Variants in NPB observed in about 807,000 individuals in gnomAD.
NPB encodes the protein neuropeptide B.
In NPB, 8 loss-of-function variants were observed where a neutral mutation model predicts 6.7. That is an observed-to-expected ratio of 1.20 (90% CI 0.71 to 2.17). The LOEUF is 2.17. Among genes scored for constraint, NPB ranks in the 30% most tolerant of loss-of-function variants. The pLI is 0.00. For synonymous variants in NPB, 118 were observed against 103.4 expected, an observed-to-expected ratio of 1.14 and a Z score of -0.86; for missense variants, 199 against 190.2, an observed-to-expected ratio of 1.05 and a Z score of -0.27.
In NPB at chr17:81,902,536, G is replaced by C; in HGVS notation, c.249+10G>C. On this transcript the variant is annotated intron_variant, in intron 1 of 1. Transcript: ENST00000333383. The stretch of plus-strand genomic sequence containing the variant: ...CAGGCTGCGGAGCCTCGTGAGTCCG[G>C]CGTGCCGGGGACTGATGGGGGGCGG... 4 of 1,464,290 alleles carry C rather than the reference G, an allele frequency of 2.7e-6. No individual in the cohort carries two copies. The highest frequency in any genetic ancestry group is 3.6e-6 in the Non-Finnish European group (4 of 1,115,088). The allele number at this position is 1,464,290 out of a possible 1,614,324, so 90.7% of individuals were successfully genotyped here.
At chr17:81,902,569 A>G in intron 1 of NPB, 43 bp downstream of exon 1, 3 of 1,505,790 alleles carry the variant, frequency 2.0e-6, no homozygotes, top group Non-Finnish European at 2.6e-6. Flanking sequence ...CGGCGGCAGG[A>G]CGTGGGTGGG....
In NPB at chr17:81,902,436, G is replaced by A. The variant is rs1020513514; in HGVS notation, c.159G>A (p.Ala53=). The A allele has an allele frequency of 1.5e-6, 2 of 1,352,550 alleles. No homozygotes were observed. Among genetic ancestry groups the A allele is most frequent in the Admixed American group, 8.2e-5 (2 of 24,496 alleles). 83.8% of individuals were successfully genotyped at this position (1,352,550 alleles called of 1,614,324 possible). ...LLSGLRRSPY[A]RRSQPYRGAE... ...CCGGCCTCCGCAGGTCCCCGTACGC[G>A]CGGCGCTCCCAGCCCTACAGAGGGG... The change falls in exon 1 of 2, where the codon GCG becomes GCA. Residue 53 remains alanine, a synonymous_variant. Transcript: ENST00000333383.
chr17:81,902,811 A>C lies in NPB; in HGVS notation c.*63A>C. The stretch of plus-strand genomic sequence containing the variant: ...CCCCACCGTCCCACTCGGTGACCCC[A>C]GGCCCCTCCGGCGCGGGATGGCGCC... On this transcript the variant is annotated 3_prime_UTR_variant, in exon 2 of 2. Coordinates refer to ENST00000333383, the MANE Select transcript of NPB (RefSeq NM_148896.5). The C allele has an allele frequency of 6.8e-7, 1 of 1,471,880 alleles. No homozygotes were observed. Among genetic ancestry groups the C allele is most frequent in the South Asian group, 1.3e-5 (1 of 77,032 alleles). The allele number at this position is 1,471,880 out of a possible 1,614,324, so 91.2% of individuals were successfully genotyped here. A position where few individuals can be genotyped will look rare whatever the true frequency, so the allele number is the denominator to read the frequency against.
rs1171517969 is a variant in NPB, at chr17:81,902,753, G to A, written c.*5G>A. 5 of 1,603,510 alleles carry A rather than the reference G, an allele frequency of 3.1e-6. No individual in the cohort carries two copies. Among genetic ancestry groups the A allele is most frequent in the Admixed American group, 1.7e-5 (1 of 59,472 alleles). On this transcript the variant is annotated 3_prime_UTR_variant, in exon 2 of 2. Transcript: ENST00000333383. ...GCCGACTGCCTCGCCGCCTGAGCCC[G>A]GACCTCTCCTGGCACCGCTGGGGGC...
chr17:81,902,731 G>A lies in NPB; in HGVS notation c.361G>A (p.Asp121Asn), dbSNP rs1253473346. ...CGTCTTCCTGTCCCTGCGCGCAGCC[G>A]ACTGCCTCGCCGCCTGAGCCCGGAC... ...ANVFLSLRAADCLAA is the reference protein window; with the variant it reads ...ANVFLSLRAANCLAA The change falls in exon 2 of 2, where the codon GAC becomes AAC. Residue 121 changes from aspartate to asparagine, a missense_variant. Transcript: ENST00000333383. 4.4e-6 allele frequency: 7 copies of A among 1,607,476 alleles called. No homozygotes were observed. The highest frequency in any genetic ancestry group is 5.9e-6 in the Non-Finnish European group (7 of 1,178,172).
chr17:81,902,897 G>C lies in NPB; in HGVS notation c.*149G>C, dbSNP rs1337609410. The C allele has an allele frequency of 1.5e-6, 1 of 686,380 alleles. No individual in the cohort carries two copies. The highest frequency in any genetic ancestry group is 2.3e-6 in the Non-Finnish European group (1 of 440,434). The allele number at this position is 686,380 out of a possible 1,614,324, so 42.5% of individuals were successfully genotyped here. A position where few individuals can be genotyped will look rare whatever the true frequency, so the allele number is the denominator to read the frequency against. On this transcript the variant is annotated 3_prime_UTR_variant, in exon 2 of 2. Coordinates refer to ENST00000333383, the MANE Select transcript of NPB (RefSeq NM_148896.5). ...TGGCAAACGAATAAATAAATGAGGC[G>C]GCCTCGGAGTGAGGGGTGCTGGAGG... is the stretch of plus-strand genomic sequence containing the variant.
chr17:81,902,285 G>C lies in NPB; in HGVS notation c.8G>C (p.Arg3Pro). The C allele has an allele frequency of 1.5e-6, 2 of 1,310,780 alleles. No homozygotes were observed. Among genetic ancestry groups the C allele is most frequent in the Non-Finnish European group, 1.9e-6 (2 of 1,036,790 alleles). The allele number at this position is 1,310,780 out of a possible 1,614,324, so 81.2% of individuals were successfully genotyped here. ...CAGTCAGCCGGCGTCCCCATGGCCC[G>C]GTCCGCGACACTGGCGGCCGCCGCC... Reference protein sequence around the residue: MARSATLAAAALA... With the variant: MAPSATLAAAALA... Residue 3 changes from arginine to proline, a missense_variant, in exon 1 of 2, where the codon CGG becomes CCG. Physicochemically the swap from Arg to Pro is moderately radical, Grantham distance 103. Coordinates refer to ENST00000333383, the MANE Select transcript of NPB (RefSeq NM_148896.5).
chr17:81,902,584 C>T, intron 1 of NPB, 36 bp from the exon 2 acceptor site: 1 of 1,520,408 alleles, frequency 6.6e-7, no homozygotes. Context: ...GGTGGGGGTG[C>T]GGCGGCCCCT....
chr17:81,902,505 GC>G lies in NPB; in HGVS notation c.229del (p.His77ThrfsTer69). 7.0e-7 allele frequency: 1 copy of G among 1,431,814 alleles called. No homozygotes were observed. The highest frequency in any genetic ancestry group is 9.1e-7 in the Non-Finnish European group (1 of 1,099,730). 88.7% of individuals were successfully genotyped at this position (1,431,814 alleles called of 1,614,324 possible). ...GAGASPELQL[H>X]PRLRSLAVCV... is the part of the protein sequence containing the mutation. ...CCGGCGCCTCCCCGGAGCTGCAACT[GC>G]ACCCCAGGCTGCGGAGCCTCGTGAG... On this transcript the variant is annotated frameshift_variant, in exon 1 of 2. Coordinates refer to ENST00000333383, the MANE Select transcript of NPB (RefSeq NM_148896.5). LOFTEE classifies it low-confidence loss of function (END_TRUNC).
At chr17:81,902,582 T>G (rs757425508) in intron 1 of NPB, 38 bp from the exon 2 acceptor site, 10 of 1,515,110 alleles carry the variant, frequency 6.6e-6, no homozygotes, top group Non-Finnish European at 7.9e-6. Context: ...TGGGTGGGGG[T>G]GCGGCGGCCC....
Position 81,902,845 on chromosome 17 carries a change from C to A in NPB, c.*97C>A, listed in dbSNP as rs2040016729. 2.7e-6 allele frequency: 3 copies of A among 1,098,778 alleles called. No individual in the cohort carries two copies. Among genetic ancestry groups the A allele is most frequent in the African/African-American group, 3.3e-5 (2 of 61,116 alleles). The allele number at this position is 1,098,778 out of a possible 1,614,324, so 68.1% of individuals were successfully genotyped here. ...CGGCGCGGGATGGCGCCCCAGGTCT[C>A]CCCTACTCCGCTCACCCCGCAGTTA... is the stretch of plus-strand genomic sequence containing the variant. On this transcript the variant is annotated 3_prime_UTR_variant, in exon 2 of 2. Coordinates refer to ENST00000333383, the MANE Select transcript of NPB (RefSeq NM_148896.5).
Position 81,902,323 on chromosome 17 carries a change from C to G in NPB, c.46C>G (p.Leu16Val). 7.5e-7 allele frequency: 1 copy of G among 1,339,952 alleles called. No homozygotes were observed. The highest frequency in any genetic ancestry group is 2.0e-5 in the South Asian group (1 of 49,692). 83.0% of individuals were successfully genotyped at this position (1,339,952 alleles called of 1,614,324 possible). The change falls in exon 1 of 2, where the codon CTG becomes GTG. Residue 16 changes from leucine to valine, a missense_variant. Coordinates refer to ENST00000333383, the MANE Select transcript of NPB (RefSeq NM_148896.5). ...TLAAAALALCLLLAPPGLAWY... is the reference protein window; with the variant it reads ...TLAAAALALCVLLAPPGLAWY... ...GGCGGCCGCCGCCCTGGCGCTGTGC[C>G]TGCTGCTGGCGCCGCCTGGCCTCGC...
intron 1 of NPB, 22 bp from the exon 2 acceptor site, chr17:81,902,598 C>T (rs756514191): frequency 1.3e-6 from 2 of 1,549,390 alleles, no homozygotes; most frequent in Non-Finnish European, 1.7e-6. Context: ...GGCCCCTCAG[C>T]CTTTGCTTGC....
In NPB at chr17:81,902,636, A is replaced by G. The variant is rs750497920; in HGVS notation, c.266A>G (p.Asp89Gly). 6.3e-7 allele frequency: 1 copy of G among 1,599,348 alleles called. No individual in the cohort carries two copies. The highest frequency in any genetic ancestry group is 8.5e-7 in the Non-Finnish European group (1 of 1,175,644). Residue 89 changes from aspartate (D) to glycine (G), a missense_variant, in exon 2 of 2, where the codon GAC becomes GGC. By Grantham distance (94) the Asp-to-Gly change is moderately conservative. Transcript: ENST00000333383. ...RLRSLAVCVQ[D>G]VAPNLQRCER... is the part of the protein sequence containing the mutation. ...GCCCCCCAGGCTGTGTGCGTCCAGG[A>G]CGTCGCCCCAAACCTGCAGAGGTGC...
chr17:81,902,841 G>T lies in NPB; in HGVS notation c.*93G>T, dbSNP rs964022770. On this transcript the variant is annotated 3_prime_UTR_variant, in exon 2 of 2. Transcript: ENST00000333383. ...CCTCCGGCGCGGGATGGCGCCCCAG[G>T]TCTCCCCTACTCCGCTCACCCCGCA... 4.2e-6 allele frequency: 5 copies of T among 1,185,852 alleles called. No individual in the cohort carries two copies. The highest frequency in any genetic ancestry group is 5.8e-6 in the Non-Finnish European group (5 of 859,818). The allele number at this position is 1,185,852 out of a possible 1,614,324, so 73.5% of individuals were successfully genotyped here. A position where few individuals can be genotyped will look rare whatever the true frequency, so the allele number is the denominator to read the frequency against.
chr17:81,902,591 C>T (rs2039999229), intron 1 of NPB, 29 bp from the exon 2 acceptor site: 3 of 1,536,234 alleles, frequency 2.0e-6, no homozygotes, highest in South Asian at 2.4e-5. Flanking sequence ...GTGCGGCGGC[C>T]CCTCAGCCTT....
intron 1 of NPB, 31 bp downstream of exon 1, chr17:81,902,557 GGCGGCGGCAGGACGTGGGTGGGGGT>G (rs753316917): frequency 5.8e-5 from 87 of 1,495,562 alleles, no homozygotes; most frequent in Middle Eastern, 1.8e-4. Flanking sequence ...ACTGATGGGG[GGCGGCGGCAGGACGTGGGTGGGGGT>G]GCGGCGGCCC....
At chr17:81,902,589 G>T in intron 1 of NPB, 31 bp from the exon 2 acceptor site, 1 of 1,528,374 alleles carries the variant, frequency 6.5e-7, no homozygotes, top group South Asian at 1.2e-5. Flanking sequence ...GGGTGCGGCG[G>T]CCCCTCAGCC....
chr17:81,902,800 T>C lies in NPB; in HGVS notation c.*52T>C, dbSNP rs747965787. 7.2e-6 allele frequency: 11 copies of C among 1,535,634 alleles called. No individual in the cohort carries two copies. The highest frequency in any genetic ancestry group is 9.7e-6 in the Non-Finnish European group (11 of 1,139,850). The stretch of plus-strand genomic sequence containing the variant: ...GGGCCCCCCGCCCCCACCGTCCCAC[T>C]CGGTGACCCCAGGCCCCTCCGGCGC... On this transcript the variant is annotated 3_prime_UTR_variant, in exon 2 of 2. Transcript: ENST00000333383.
Sources: gnomAD v4.1 joint callset for allele counts on GRCh38, gnomAD v4.1.1 for gene constraint, MANE v1.5 for transcripts, NCBI Gene and HGNC (gene_info 2026-07-23, HGNC 2026-07-21) for gene names.